The following NELL2 variants were observed in gnomAD, a reference collection of about 807,000 sequenced individuals.
The protein encoded by NELL2 is protein kinase C-binding protein NELL2.
A neutral mutation model predicts 109.6 loss-of-function variants in NELL2; 41 were observed. The ratio of observed to expected loss-of-function variants is 0.37; its 90% confidence interval spans 0.29 to 0.49. NELL2 has a LOEUF of 0.49. NELL2 is among the 20% of genes least tolerant of loss of function. The pLI is 0.98. For missense variants in NELL2, 900 were observed against 1,008.3 expected (o/e 0.89, Z 1.45); for synonymous variants, 355 against 344.7 (o/e 1.03, Z -0.33).
intron 13 of NELL2, among the ~76,000 whole-genome samples, chr12:44,664,506 A>G (rs1056814663): frequency 7.2e-5 from 11 of 152,100 alleles, no homozygotes; most frequent in Non-Finnish European, 5.9e-5. Context: ...AAGACTTAGA[A>G]GCAGACAACT....
At chr12:44,606,572 G>T (rs1490741637) in intron 15 of NELL2, among the ~76,000 whole-genome samples, 5 of 151,986 alleles carry the variant, frequency 3.3e-5, no homozygotes, top group Non-Finnish European at 7.4e-5. Flanking sequence ...TTACTTTAGG[G>T]TTATAAGTTA....
intron 1 of NELL2, 84 bp from the exon 2 acceptor site, chr12:44,875,437 C>A: frequency 6.2e-7 from 1 of 1,613,830 alleles, no homozygotes; most frequent in Non-Finnish European, 8.5e-7. Context: ...AGCAAAGAAC[C>A]GCGTTTTCGC....
chr12:44,513,904 C>A (rs1424011061), intron 19 of NELL2, among the ~76,000 whole-genome samples: 1 of 145,734 alleles, frequency 6.9e-6, no homozygotes, highest in East Asian at 2.0e-4. Context: ...GAAATGACAT[C>A]AACTTAGATA....
intron 9 of NELL2, among the ~76,000 whole-genome samples, chr12:44,721,851 T>G (rs641782): frequency 0.71 from 107,154 of 151,868 alleles, 38,053 homozygotes; most frequent in Non-Finnish European, 0.74. Context: ...ACTATTGAGG[T>G]GCAGCTCTAT....
At chr12:44,731,278 G>A (rs1939355578) in intron 9 of NELL2, among the ~76,000 whole-genome samples, 1 of 152,078 alleles carries the variant, frequency 6.6e-6, no homozygotes, top group Non-Finnish European at 1.5e-5. Flanking sequence ...ATGAAAGCCA[G>A]ACAAAGCACT....
chr12:44,732,020 T>C (rs1697107366), intron 9 of NELL2, among the ~76,000 whole-genome samples: 1 of 151,832 alleles, frequency 6.6e-6, no homozygotes, highest in Admixed American at 6.6e-5. Context: ...ACATAACCAA[T>C]GAGGCAAAAG....
intron 11 of NELL2, among the ~76,000 whole-genome samples, chr12:44,708,516 T>C (rs7300005): frequency 0.048 from 7,271 of 152,288 alleles, 614 homozygotes; most frequent in African/African-American, 0.17. Flanking sequence ...GCCAATTTTA[T>C]CACAAATGAA....
chr12:44,647,497 G>A (rs1947135990), intron 13 of NELL2, among the ~76,000 whole-genome samples: 1 of 152,076 alleles, frequency 6.6e-6, no homozygotes, highest in African/African-American at 2.4e-5. Context: ...TTTAATAGGG[G>A]AAGATGGATG....
At chr12:44,648,900 TTGTGTGTGTGTGTGTG>T (rs563769057) in intron 13 of NELL2, among the ~76,000 whole-genome samples, 109 of 107,162 alleles carry the variant, frequency 1.0e-3, no homozygotes, top group African/African-American at 2.1e-3. Flanking sequence ...CACGCCCAGC[TTGTGTGTGTGTGTGTG>T]TGTGTGTGTG....
intron 9 of NELL2, among the ~76,000 whole-genome samples, chr12:44,736,256 G>A (rs937456940): frequency 5.1e-4 from 77 of 151,926 alleles, no homozygotes; most frequent in African/African-American, 1.4e-3. Flanking sequence ...TGATCCGCCC[G>A]TCTCGGCCTC....
At chr12:44,808,770 C>T (rs1238843443) in intron 3 of NELL2, among the ~76,000 whole-genome samples, 1 of 151,934 alleles carries the variant, frequency 6.6e-6, no homozygotes, top group African/African-American at 2.4e-5. Context: ...TGGCTTAATA[C>T]ATGACAAGCA....
intron 15 of NELL2, among the ~76,000 whole-genome samples, chr12:44,572,918 A>G (rs1288341045): frequency 6.6e-6 from 1 of 152,222 alleles, no homozygotes; most frequent in East Asian, 1.9e-4. Context: ...TCTTTTAATT[A>G]AGGAGTGGTA....
chr12:44,818,192 T>C (rs754880669), intron 2 of NELL2, among the ~76,000 whole-genome samples: 2 of 152,214 alleles, frequency 1.3e-5, no homozygotes, highest in African/African-American at 2.4e-5. Flanking sequence ...ATTTTTTGTT[T>C]CCTCAAGGAA....
chr12:44,580,380 A>G (rs1463925488), intron 15 of NELL2, among the ~76,000 whole-genome samples: 1 of 152,234 alleles, frequency 6.6e-6, no homozygotes, highest in East Asian at 1.9e-4. Context: ...CTCACAGAAA[A>G]GCATCACAGA....
chr12:44,773,272 G>C (rs547044427), intron 9 of NELL2, among the ~76,000 whole-genome samples: 1 of 152,050 alleles, frequency 6.6e-6, no homozygotes, highest in East Asian at 1.9e-4. Flanking sequence ...TCAGGAGATC[G>C]AGACCATCCT....
intron 2 of NELL2, among the ~76,000 whole-genome samples, chr12:44,858,442 T>C (rs562737266): frequency 1.0e-3 from 157 of 152,300 alleles, no homozygotes; most frequent in Non-Finnish European, 1.0e-4. Context: ...ATGAAGACTA[T>C]TAGCAGAGGC....
At chr12:44,600,820 A>T (rs7132123) in intron 15 of NELL2, among the ~76,000 whole-genome samples, 4,113 of 152,294 alleles carry the variant, frequency 0.027, 181 homozygotes, top group African/African-American at 0.092. Context: ...CTATAAAGGA[A>T]ATTTACTTTT....
At chr12:44,686,071 G>C (rs1263782478) in intron 12 of NELL2, among the ~76,000 whole-genome samples, 2 of 152,036 alleles carry the variant, frequency 1.3e-5, no homozygotes, top group African/African-American at 2.4e-5. Flanking sequence ...CATAGATTTG[G>C]TCTTTTCACA....
At chr12:44,517,888 G>A (rs568323732) in intron 19 of NELL2, among the ~76,000 whole-genome samples, 1 of 152,056 alleles carries the variant, frequency 6.6e-6, no homozygotes, top group Non-Finnish European at 1.5e-5. Context: ...GTAGAATGGA[G>A]ACATAATAAA....
Sources: gnomAD v4.1 joint callset for allele counts (sites outside exome capture counted in the v4.1 genomes callset) on GRCh38, gnomAD v4.1.1 for gene constraint, MANE v1.5 for transcripts, NCBI Gene and HGNC (gene_info 2026-07-23, HGNC 2026-07-21) for gene names.